Variants in NEGR1 observed in about 807,000 individuals in gnomAD.
NEGR1 encodes IgLON family member 4.
In NEGR1, 10 loss-of-function variants were observed where a neutral mutation model predicts 40.9. That is an observed-to-expected ratio of 0.24 (90% confidence interval 0.15 to 0.42). The LOEUF (loss-of-function observed/expected upper bound fraction) is 0.42. Ranked by LOEUF, NEGR1 falls within the 10% of genes least tolerant of loss-of-function variation. The probability of loss-of-function intolerance (pLI) is 1.00; values close to 1 mark genes in which losing one functional copy is unlikely to be tolerated. For missense variants in NEGR1, 352 were observed against 438.9 expected (o/e 0.80, Z 1.77); for synonymous variants, 185 against 166.8 (o/e 1.11, Z -0.84).
chr1:72,044,015 G>A (rs1348727810), intron 1 of NEGR1, among the ~76,000 whole-genome samples: 1 of 151,682 alleles, frequency 6.6e-6, no homozygotes, highest in African/African-American at 2.4e-5. Context: ...TTAAAACAAT[G>A]TTTTAAACAA....
rs17091927 is a variant in NEGR1 at position 71,932,133 on chromosome 1, A to G, written c.409+2946T>C. 4.4e-3 allele frequency among the ~76,000 whole-genome samples: 670 copies of G among 152,284 alleles called. 4 individuals are homozygous for G. The highest frequency in any genetic ancestry group is 0.015 in the African/African-American group (617 of 41,584). Reference sequence around the variant, plus strand: ...AAGAAAAAATATAAAGAGAAATGAAATGTACTTGTGGAGTAAGTAGTAACA... The same window carrying G: ...AAGAAAAAATATAAAGAGAAATGAAGTGTACTTGTGGAGTAAGTAGTAACA... On this transcript the variant is annotated intron_variant, in intron 2 of 6. Coordinates refer to ENST00000357731, the MANE Select transcript of NEGR1 (RefSeq NM_173808.3).
intron 6 of NEGR1, among the ~76,000 whole-genome samples, chr1:71,475,651 T>A (rs1646814736): frequency 6.6e-6 from 1 of 152,046 alleles, no homozygotes. Flanking sequence ...AGAAGTAGGA[T>A]GAGAGATTTC....
At chr1:72,000,201 T>G (rs1367930082) in intron 1 of NEGR1, among the ~76,000 whole-genome samples, 1 of 152,054 alleles carries the variant, frequency 6.6e-6, no homozygotes, top group African/African-American at 2.4e-5. Context: ...TCCTTTAATT[T>G]TTCTTAAATT....
chr1:71,481,870 C>A (rs936331669), intron 6 of NEGR1, among the ~76,000 whole-genome samples: 2 of 151,714 alleles, frequency 1.3e-5, no homozygotes, highest in Admixed American at 6.6e-5. Context: ...TACATTCATG[C>A]CTTTGGTTTA....
At chr1:72,124,329 A>G (rs1444274418) in intron 1 of NEGR1, among the ~76,000 whole-genome samples, 1 of 151,970 alleles carries the variant, frequency 6.6e-6, no homozygotes, top group African/African-American at 2.4e-5. Context: ...TCCTACTATT[A>G]TGGCCCTGCT....
intron 3 of NEGR1, among the ~76,000 whole-genome samples, chr1:71,751,374 C>T (rs1271363646): frequency 6.6e-6 from 1 of 152,150 alleles, no homozygotes; most frequent in East Asian, 1.9e-4. Flanking sequence ...GTATTTGACT[C>T]ATAGAACAGT....
chr1:72,043,605 C>T (rs1042623686), intron 1 of NEGR1, among the ~76,000 whole-genome samples: 1 of 151,846 alleles, frequency 6.6e-6, no homozygotes, highest in African/African-American at 2.4e-5. Flanking sequence ...CTAAAATGAA[C>T]TGTATATTCC....
At chr1:72,039,140 A>T (rs956752701) in intron 1 of NEGR1, among the ~76,000 whole-genome samples, 1 of 151,964 alleles carries the variant, frequency 6.6e-6, no homozygotes, top group Non-Finnish European at 1.5e-5. Context: ...TGAAAAGTTC[A>T]GAGAAACAGC....
At chr1:71,627,333 T>C (rs1180621114) in intron 4 of NEGR1, among the ~76,000 whole-genome samples, 2 of 152,106 alleles carry the variant, frequency 1.3e-5, no homozygotes, top group Non-Finnish European at 2.9e-5. Flanking sequence ...TTATATATTA[T>C]GCAATATCAC....
At chr1:71,928,576 AT>A (rs555440198) in intron 2 of NEGR1, among the ~76,000 whole-genome samples, 19 of 149,214 alleles carry the variant, frequency 1.3e-4, no homozygotes, top group East Asian at 4.0e-4. Context: ...ACCTATATAT[AT>A]TTTTTTTCCT....
intron 4 of NEGR1, among the ~76,000 whole-genome samples, chr1:71,649,763 C>G (rs1407805148): frequency 6.6e-6 from 1 of 152,066 alleles, no homozygotes; most frequent in Non-Finnish European, 1.5e-5. Flanking sequence ...GGCAGAGTTT[C>G]CTAGTCTCGT....
chr1:71,564,549 CCT>C (rs1648558369), intron 6 of NEGR1, among the ~76,000 whole-genome samples: 1 of 152,036 alleles, frequency 6.6e-6, no homozygotes, highest in African/African-American at 2.4e-5. Flanking sequence ...ATATTTCCTC[CCT>C]GTCTCAATCT....
intron 1 of NEGR1, among the ~76,000 whole-genome samples, chr1:72,002,534 A>T (rs1646567020): frequency 6.6e-6 from 1 of 152,126 alleles, no homozygotes; most frequent in Non-Finnish European, 1.5e-5. Context: ...GAAGTGATAG[A>T]TATAACCATT....
At chr1:71,811,076 G>T (rs1396009939) in intron 2 of NEGR1, among the ~76,000 whole-genome samples, 5 of 152,126 alleles carry the variant, frequency 3.3e-5, no homozygotes, top group African/African-American at 9.7e-5. Context: ...AGATTCTGCT[G>T]TAGGCTCTGT....
intron 4 of NEGR1, among the ~76,000 whole-genome samples, chr1:71,670,069 C>T (rs942782554): frequency 6.6e-6 from 1 of 151,980 alleles, no homozygotes; most frequent in East Asian, 1.9e-4. Flanking sequence ...TTCCTTTCTC[C>T]GTTACCATTT....
At chr1:71,451,735 T>C (rs989292778) in intron 6 of NEGR1, among the ~76,000 whole-genome samples, 3 of 152,224 alleles carry the variant, frequency 2.0e-5, no homozygotes, top group African/African-American at 7.2e-5. Context: ...GTGAAGATTA[T>C]GCTACCAGTT....
At chr1:71,576,975 T>C (rs766724910) in intron 6 of NEGR1, among the ~76,000 whole-genome samples, 7 of 152,224 alleles carry the variant, frequency 4.6e-5, no homozygotes, top group Non-Finnish European at 1.0e-4. Context: ...CTGAACTGTC[T>C]ATTGTGGGCT....
At chr1:71,687,595 T>C (rs1222212969) in intron 4 of NEGR1, among the ~76,000 whole-genome samples, 1 of 152,206 alleles carries the variant, frequency 6.6e-6, no homozygotes, top group Non-Finnish European at 1.5e-5. Context: ...TTTATTGTAA[T>C]TGTTTTCTCT....
chr1:71,672,462 A>T (rs1324419216), intron 4 of NEGR1, among the ~76,000 whole-genome samples: 1 of 152,206 alleles, frequency 6.6e-6, no homozygotes, highest in African/African-American at 2.4e-5. Flanking sequence ...CTTGTTCACC[A>T]TTGTATATCC....
Sources: allele counts gnomAD v4.1 joint callset (sites outside exome capture counted in the v4.1 genomes callset), GRCh38; gene constraint gnomAD v4.1.1; transcripts MANE v1.5; gene names NCBI Gene and HGNC (gene_info 2026-07-23, HGNC 2026-07-21).